The following CSMD1 variants were observed in gnomAD, a reference collection of about 807,000 sequenced individuals.
CSMD1 encodes the protein CUB and sushi domain-containing protein 1.
In CSMD1, 213 loss-of-function variants were observed where a neutral mutation model predicts 417.5. The ratio of observed to expected loss-of-function variants is 0.51; its 90% CI spans 0.46 to 0.57. CSMD1 has a LOEUF of 0.57. CSMD1 is among the 20% of genes least tolerant of loss of function. CSMD1 has a pLI of 0.00. For missense variants in CSMD1, 6,923 were observed against 4,529.7 expected (o/e 1.53, Z -15.17); for synonymous variants, 2,862 against 1,736.8 (o/e 1.65, Z -16.11).
chr8:4,492,305 G>T (rs531916974), intron 2 of CSMD1, among the ~76,000 whole-genome samples: 1 of 152,184 alleles, frequency 6.6e-6, no homozygotes, highest in African/African-American at 2.4e-5. Context: ...GCCCAGGATG[G>T]TCTCAAACTC....
chr8:4,472,583 CA>C lies in CSMD1; in HGVS notation c.303-52519del, dbSNP rs1800596749. Among the ~76,000 whole-genome samples, 3 of 152,100 alleles carry C rather than the reference CA, an allele frequency of 2.0e-5. No homozygotes were observed. In the South Asian group the frequency reaches 6.2e-4, roughly 32 times the overall value. Reference sequence around the variant, plus strand: ...TAGCTATTAGAAAGTTATTCATCATCACTTTGAAAAGTTAAAATATTTAACA... The same window carrying C: ...TAGCTATTAGAAAGTTATTCATCATCCTTTGAAAAGTTAAAATATTTAACA... On this transcript the variant is annotated intron_variant, in intron 2 of 69. Coordinates refer to ENST00000635120, the MANE Select transcript of CSMD1 (RefSeq NM_033225.6).
intron 3 of CSMD1, among the ~76,000 whole-genome samples, chr8:4,090,779 A>T (rs1292564081): frequency 6.6e-6 from 1 of 152,232 alleles, no homozygotes; most frequent in Non-Finnish European, 1.5e-5. Flanking sequence ...TATAATTAAT[A>T]ATTCACTGGT....
intron 5 of CSMD1, among the ~76,000 whole-genome samples, chr8:3,906,147 G>C (rs1808093311): frequency 1.3e-5 from 2 of 152,050 alleles, no homozygotes; most frequent in African/African-American, 4.8e-5. Context: ...AGTGTACCAG[G>C]TAAGCATCAT....
chr8:4,289,789 G>A (rs1043796629), intron 3 of CSMD1, among the ~76,000 whole-genome samples: 1 of 152,100 alleles, frequency 6.6e-6, no homozygotes, highest in African/African-American at 2.4e-5. Context: ...GTTAAAAGGA[G>A]GTATCCACCT....
intron 2 of CSMD1, among the ~76,000 whole-genome samples, chr8:4,504,313 T>C (rs1013960211): frequency 6.6e-6 from 1 of 152,070 alleles, no homozygotes; most frequent in African/African-American, 2.4e-5. Flanking sequence ...TTGCCAGGTG[T>C]AGGGAAGAAA....
At chr8:4,761,835 G>GCATCCATC (rs58902259) in intron 1 of CSMD1, among the ~76,000 whole-genome samples, 154 of 121,680 alleles carry the variant, frequency 1.3e-3, no homozygotes, top group African/African-American at 5.0e-3. Flanking sequence ...ATAGTACCAT[G>GCATCCATC]CATCTATCTA....
At chr8:3,322,343 T>C (rs1806205805) in intron 23 of CSMD1, among the ~76,000 whole-genome samples, 1 of 152,212 alleles carries the variant, frequency 6.6e-6, no homozygotes, top group African/African-American at 2.4e-5. Flanking sequence ...GTTAAATGAC[T>C]GAACATTCAA....
chr8:4,256,964 G>C (rs190557393), intron 3 of CSMD1, among the ~76,000 whole-genome samples: 1 of 152,142 alleles, frequency 6.6e-6, no homozygotes, highest in Non-Finnish European at 1.5e-5. Context: ...CTAATCACAG[G>C]CTGGAGGTAT....
intron 15 of CSMD1, 80 bp from the exon 16 acceptor site, chr8:3,399,609 A>G: frequency 1.8e-6 from 2 of 1,099,680 alleles, no homozygotes; most frequent in Non-Finnish European, 2.5e-6. Flanking sequence ...AAAAGCCAGA[A>G]TCTGCTTCTG....
In CSMD1 at chr8:4,003,439, T is replaced by A. The variant is rs560112534; in HGVS notation, c.611-5329A>T. ...ACAAACAAATAAATAAATAAATAAA[T>A]AGATAAGTAAATAACAAGACACAAA... On this transcript the variant is annotated intron_variant, in intron 4 of 69. Coordinates refer to ENST00000635120, the MANE Select transcript of CSMD1 (RefSeq NM_033225.6). Among the ~76,000 whole-genome samples the A allele has an allele frequency of 6.0e-5, 9 of 150,874 alleles. No homozygotes were observed. The South Asian group carries it at 6.4e-4, about 11-fold the overall frequency.
At chr8:3,473,053 T>G (rs1817197964) in intron 11 of CSMD1, among the ~76,000 whole-genome samples, 1 of 152,272 alleles carries the variant, frequency 6.6e-6, no homozygotes, top group Middle Eastern at 3.4e-3. Context: ...GACATTCGAC[T>G]TGATTTTAAC....
intron 5 of CSMD1, among the ~76,000 whole-genome samples, chr8:3,984,099 C>CAA: frequency 1.4e-5 from 2 of 146,878 alleles, no homozygotes; most frequent in African/African-American, 5.0e-5. Flanking sequence ...ACAGGGCTGT[C>CAA]AATAGCAACT....
In CSMD1 at chr8:3,226,341, G is replaced by C. The variant is rs531827343; in HGVS notation, c.4346-2474C>G. ...CTCACGCTTGTAATCCCAGCACTTT[G>C]GGAGGCCAAGGTGGGCGGATCATCT... On this transcript the variant is annotated intron_variant, in intron 27 of 69. Coordinates refer to ENST00000635120, the MANE Select transcript of CSMD1 (RefSeq NM_033225.6). Among the ~76,000 whole-genome samples, 18 of 152,226 alleles carry C rather than the reference G, an allele frequency of 1.2e-4. 1 individual carries two copies. Among genetic ancestry groups the C allele is most frequent in the African/African-American group, 4.3e-4 (18 of 41,544 alleles).
intron 3 of CSMD1, among the ~76,000 whole-genome samples, chr8:4,365,109 T>G (rs1801988827): frequency 6.6e-6 from 1 of 152,214 alleles, no homozygotes; most frequent in South Asian, 2.1e-4. Flanking sequence ...TTTAAATACT[T>G]TAAGTGTGTA....
intron 5 of CSMD1, among the ~76,000 whole-genome samples, chr8:3,888,440 T>C (rs1282135929): frequency 6.6e-6 from 1 of 152,206 alleles, no homozygotes; most frequent in Admixed American, 6.5e-5. Flanking sequence ...AAGGTTCATG[T>C]GCAAATGCAT....
chr8:3,502,520 T>G (rs1208517696), intron 10 of CSMD1, among the ~76,000 whole-genome samples: 1 of 152,140 alleles, frequency 6.6e-6, no homozygotes, highest in African/African-American at 2.4e-5. Flanking sequence ...AGTGGAATAT[T>G]ATTCAGGGCT....
chr8:4,443,788 C>G (rs928206989), intron 2 of CSMD1, among the ~76,000 whole-genome samples: 1 of 152,154 alleles, frequency 6.6e-6, no homozygotes, highest in African/African-American at 2.4e-5. Flanking sequence ...CAAGTGTGAT[C>G]TGTGTCATGT....
chr8:4,580,998 ACAT>A (rs1366277658), intron 2 of CSMD1, among the ~76,000 whole-genome samples: 1 of 152,182 alleles, frequency 6.6e-6, no homozygotes, highest in Admixed American at 6.5e-5. Flanking sequence ...CCAGTGCCTC[ACAT>A]GTAACAGACA....
At chr8:3,978,580 G>C (rs960418021) in intron 5 of CSMD1, among the ~76,000 whole-genome samples, 1 of 152,096 alleles carries the variant, frequency 6.6e-6, no homozygotes, top group Non-Finnish European at 1.5e-5. Flanking sequence ...AGGGTCTAAT[G>C]AATAGATTGA....
Sources: allele counts gnomAD v4.1 joint callset (sites outside exome capture counted in the v4.1 genomes callset), GRCh38; gene constraint gnomAD v4.1.1; transcripts MANE v1.5; gene names NCBI Gene and HGNC (gene_info 2026-07-23, HGNC 2026-07-21).